The following CLSTN2 variants were observed in gnomAD, a reference collection of about 807,000 sequenced individuals.
CLSTN2 encodes the protein calsyntenin 2.
In CLSTN2, 48 loss-of-function variants were observed where a neutral mutation model predicts 101.2. The ratio of observed to expected loss-of-function variants is 0.47; its 90% CI spans 0.38 to 0.60. CLSTN2 has a LOEUF of 0.60. Ranked by LOEUF, CLSTN2 falls within the 20% of genes least tolerant of loss-of-function variation. The pLI is 0.00. For synonymous variants in CLSTN2, 481 were observed against 463.6 expected, an observed-to-expected ratio of 1.04 and a Z score of -0.48; for missense variants, 1,160 against 1,238.2, an observed-to-expected ratio of 0.94 and a Z score of 0.95.
intron 7 of CLSTN2, 49 bp downstream of exon 7, chr3:140,459,818 CA>C: frequency 6.2e-7 from 1 of 1,603,554 alleles, no homozygotes; most frequent in Non-Finnish European, 8.5e-7. Flanking sequence ...AGCAGCTGCC[CA>C]TTTTGTCACA....
At chr3:140,556,694 G>A (rs1292167703) in intron 11 of CLSTN2, 33 bp downstream of exon 11, 1 of 1,605,448 alleles carries the variant, frequency 6.2e-7, no homozygotes, top group South Asian at 1.1e-5. Context: ...GGGGCCAACT[G>A]AGGCAGCAGT....
At chr3:140,244,457 G>A (rs1036013562) in intron 2 of CLSTN2, among the ~76,000 whole-genome samples, 1 of 152,148 alleles carries the variant, frequency 6.6e-6, no homozygotes, top group African/African-American at 2.4e-5. Flanking sequence ...TACGATGTTT[G>A]TGGGAAGGGT....
At chr3:140,117,658 AC>A (rs2009268304) in intron 1 of CLSTN2, among the ~76,000 whole-genome samples, 1 of 152,170 alleles carries the variant, frequency 6.6e-6, no homozygotes, top group Non-Finnish European at 1.5e-5. Flanking sequence ...AATTGCAATA[AC>A]CACATAAGTC....
At chr3:140,023,545 C>T (rs1440680177) in intron 1 of CLSTN2, among the ~76,000 whole-genome samples, 4 of 152,132 alleles carry the variant, frequency 2.6e-5, no homozygotes, top group African/African-American at 9.7e-5. Context: ...TGGACTGACC[C>T]TTGCTGTTCT....
At chr3:140,521,165 G>A (rs59797378) in intron 8 of CLSTN2, among the ~76,000 whole-genome samples, 4 of 139,796 alleles carry the variant, frequency 2.9e-5, no homozygotes, top group Non-Finnish European at 4.7e-5. Flanking sequence ...AACTCAGTTC[G>A]GTGCCCTTGC....
chr3:139,996,277 T>C (rs1274200622), intron 1 of CLSTN2, among the ~76,000 whole-genome samples: 1 of 152,274 alleles, frequency 6.6e-6, no homozygotes, highest in Non-Finnish European at 1.5e-5. Flanking sequence ...ATCTGTATAA[T>C]ATTCCAGTGT....
chr3:140,163,488 T>C (rs1576451362), intron 1 of CLSTN2, among the ~76,000 whole-genome samples: 1 of 150,654 alleles, frequency 6.6e-6, no homozygotes, highest in Non-Finnish European at 1.5e-5. Flanking sequence ...AGAGAGATTG[T>C]TATGTACTAT....
intron 1 of CLSTN2, among the ~76,000 whole-genome samples, chr3:140,110,520 C>A (rs911919702): frequency 9.9e-5 from 15 of 152,162 alleles, no homozygotes; most frequent in Admixed American, 7.9e-4. Flanking sequence ...CTTTGCTATT[C>A]CTTCAAAAGC....
chr3:140,419,075 T>C (rs1183107745), intron 4 of CLSTN2, among the ~76,000 whole-genome samples: 1 of 152,130 alleles, frequency 6.6e-6, no homozygotes. Context: ...TTTTCTAATT[T>C]TCCAAGCTTT....
chr3:140,364,484 T>C (rs1471663298), intron 2 of CLSTN2, among the ~76,000 whole-genome samples: 2 of 152,164 alleles, frequency 1.3e-5, no homozygotes, highest in Non-Finnish European at 2.9e-5. Flanking sequence ...GAAACTTGTA[T>C]GTGTGAGGCC....
intron 2 of CLSTN2, among the ~76,000 whole-genome samples, chr3:140,322,129 C>A (rs2087289510): frequency 6.6e-6 from 1 of 152,208 alleles, no homozygotes; most frequent in South Asian, 2.1e-4. Flanking sequence ...AGCACTTTGT[C>A]AGCAAAAGGA....
At chr3:140,260,580 G>T (rs2086642681) in intron 2 of CLSTN2, among the ~76,000 whole-genome samples, 1 of 152,176 alleles carries the variant, frequency 6.6e-6, no homozygotes. Flanking sequence ...AATTGAGAAG[G>T]CAGTACAGTT....
At chr3:140,141,399 C>T (rs1025152786) in intron 1 of CLSTN2, among the ~76,000 whole-genome samples, 2 of 152,202 alleles carry the variant, frequency 1.3e-5, no homozygotes, top group Non-Finnish European at 2.9e-5. Context: ...GCTGGCACTA[C>T]TCGGAAGAAG....
chr3:139,997,856 G>A (rs1468481662), intron 1 of CLSTN2, among the ~76,000 whole-genome samples: 1 of 151,968 alleles, frequency 6.6e-6, no homozygotes, highest in Non-Finnish European at 1.5e-5. Flanking sequence ...GCCACTTTTA[G>A]AAAACATCAG....
intron 4 of CLSTN2, among the ~76,000 whole-genome samples, chr3:140,411,096 A>C (rs1433448792): frequency 2.6e-5 from 4 of 152,352 alleles, no homozygotes; most frequent in East Asian, 1.9e-4. Context: ...ATCAATAATT[A>C]CTTTAAATGT....
intron 4 of CLSTN2, among the ~76,000 whole-genome samples, chr3:140,418,915 C>A (rs1322425311): frequency 6.6e-6 from 1 of 151,902 alleles, no homozygotes; most frequent in African/African-American, 2.4e-5. Flanking sequence ...TGTCTCAGAC[C>A]CTCACCTTCC....
At chr3:140,101,513 A>G (rs554689576) in intron 1 of CLSTN2, among the ~76,000 whole-genome samples, 7 of 152,202 alleles carry the variant, frequency 4.6e-5, no homozygotes, top group South Asian at 4.1e-4. Flanking sequence ...TCCTTTGTTC[A>G]TTTGTGTCTT....
At chr3:140,135,117 CATAT>C (rs66931848) in intron 1 of CLSTN2, among the ~76,000 whole-genome samples, 8,647 of 57,138 alleles carry the variant, frequency 0.15, 656 homozygotes, top group Non-Finnish European at 0.2. Flanking sequence ...CACACACACA[CATAT>C]ATATATATAT....
chr3:140,011,940 G>C (rs1006726457), intron 1 of CLSTN2, among the ~76,000 whole-genome samples: 2 of 152,086 alleles, frequency 1.3e-5, no homozygotes, highest in African/African-American at 4.8e-5. Context: ...GGAACCCTCT[G>C]GGAGACCTGA....
Sources: gnomAD v4.1 joint callset for allele counts (sites outside exome capture counted in the v4.1 genomes callset) on GRCh38, gnomAD v4.1.1 for gene constraint, MANE v1.5 for transcripts, NCBI Gene and HGNC (gene_info 2026-07-23, HGNC 2026-07-21) for gene names.